The following KLF12 variants were observed in gnomAD, a reference collection of about 807,000 sequenced individuals.
KLF12 encodes the protein Krueppel-like factor 12.
In KLF12, 9 loss-of-function variants were observed where a neutral mutation model predicts 37.8. The observed-to-expected ratio is 0.24, with a 90% CI of 0.14 to 0.42. The LOEUF is 0.42. Among genes scored for constraint, KLF12 ranks in the 10% least tolerant of loss-of-function variants. The pLI, the probability that KLF12 is intolerant of heterozygous loss-of-function variation, is 1.00. For missense variants in KLF12, 411 were observed against 516.0 expected, an observed-to-expected ratio of 0.80 and a Z score of 1.97; for synonymous variants, 208 against 202.1, an observed-to-expected ratio of 1.03 and a Z score of -0.25.
chr13:73,923,254 G>C (rs1046283535), intron 3 of KLF12, among the ~76,000 whole-genome samples: 1 of 152,112 alleles, frequency 6.6e-6, no homozygotes, highest in Non-Finnish European at 1.5e-5. Flanking sequence ...ATGGTAATTG[G>C]CTTGGAACTT....
chr13:73,708,365 A>G (rs1875107038), intron 7 of KLF12, among the ~76,000 whole-genome samples: 1 of 152,124 alleles, frequency 6.6e-6, no homozygotes, highest in African/African-American at 2.4e-5. Context: ...TGAACAGACT[A>G]TTTTTACATA....
the KLF12 span, among the ~76,000 whole-genome samples, chr13:74,147,426 G>A: frequency 6.6e-6 from 1 of 152,186 alleles, no homozygotes; most frequent in African/African-American, 2.4e-5. Context: ...TCCAAAGAGG[G>A]TGCTGCAGTG....
intron 1 of KLF12, among the ~76,000 whole-genome samples, chr13:74,122,110 T>C (rs1257057088): frequency 2.6e-5 from 4 of 152,030 alleles, no homozygotes; most frequent in East Asian, 1.9e-4. Context: ...ATTTTAAAGG[T>C]TGTATTCAAA....
At chr13:73,851,021 T>A (rs539479347) in intron 3 of KLF12, among the ~76,000 whole-genome samples, 31 of 152,332 alleles carry the variant, frequency 2.0e-4, no homozygotes, top group African/African-American at 7.2e-4. Context: ...CTTGGTATCA[T>A]CACGAAAATT....
chr13:73,843,435 G>T (rs915095163), intron 4 of KLF12, among the ~76,000 whole-genome samples: 7 of 151,930 alleles, frequency 4.6e-5, no homozygotes, highest in Non-Finnish European at 7.4e-5. Flanking sequence ...AGCCTCCTCA[G>T]TAGCTGGGAT....
At chr13:73,930,482 AT>A (rs1889612994) in intron 3 of KLF12, among the ~76,000 whole-genome samples, 1 of 152,220 alleles carries the variant, frequency 6.6e-6, no homozygotes, top group African/African-American at 2.4e-5. Flanking sequence ...TTTTTATTCA[AT>A]TTGGGAAATT....
intron 5 of KLF12, among the ~76,000 whole-genome samples, chr13:73,791,052 G>A (rs1271710952): frequency 6.6e-6 from 1 of 152,148 alleles, no homozygotes; most frequent in Non-Finnish European, 1.5e-5. Flanking sequence ...GAATTCACCA[G>A]AAATAAATTT....
At chr13:74,031,674 A>C (rs1365566800) in intron 1 of KLF12, among the ~76,000 whole-genome samples, 1 of 152,094 alleles carries the variant, frequency 6.6e-6, no homozygotes, top group East Asian at 1.9e-4. Flanking sequence ...AACTCAAATA[A>C]CTAAAATAGT....
intron 6 of KLF12, among the ~76,000 whole-genome samples, chr13:73,755,560 T>C (rs1879096195): frequency 6.6e-6 from 1 of 152,162 alleles, no homozygotes; most frequent in Non-Finnish European, 1.5e-5. Context: ...AGATTCCTTT[T>C]ACATAAAGTT....
the KLF12 span, among the ~76,000 whole-genome samples, chr13:74,214,177 A>G: frequency 6.6e-6 from 1 of 152,198 alleles, no homozygotes; most frequent in African/African-American, 2.4e-5. Context: ...CAACTGATCA[A>G]TAAGACACTT....
intron 4 of KLF12, among the ~76,000 whole-genome samples, chr13:73,835,709 AC>A (rs1354238186): frequency 2.0e-5 from 3 of 152,058 alleles, no homozygotes; most frequent in Admixed American, 1.3e-4. Context: ...ATATATACAC[AC>A]CCCCTGCCCG....
chr13:74,189,482 T>C, the KLF12 span, among the ~76,000 whole-genome samples: 12 of 152,294 alleles, frequency 7.9e-5, no homozygotes, highest in East Asian at 2.1e-3. Context: ...CTGCCCCCAT[T>C]CAACAGCCCC....
chr13:73,989,966 AGTACAAGGGTTCAC>A (rs1342610413), intron 2 of KLF12, among the ~76,000 whole-genome samples: 15 of 87,968 alleles, frequency 1.7e-4, no homozygotes, highest in Non-Finnish European at 4.6e-4. Context: ...AAGTTCAGGA[AGTACAAGGGTTCAC>A]GTAATACAAT....
intron 1 of KLF12, among the ~76,000 whole-genome samples, chr13:74,128,142 T>A (rs1284019963): frequency 6.6e-6 from 1 of 152,204 alleles, no homozygotes; most frequent in Non-Finnish European, 1.5e-5. Context: ...CTGTATTATA[T>A]AAATGTTAAT....
intron 3 of KLF12, among the ~76,000 whole-genome samples, chr13:73,881,658 T>G (rs1364636158): frequency 6.6e-6 from 1 of 152,212 alleles, no homozygotes; most frequent in Non-Finnish European, 1.5e-5. Context: ...TTGCACAACA[T>G]GATTTTTTTT....
At chr13:74,195,978 T>C in the KLF12 span, among the ~76,000 whole-genome samples, 1 of 152,204 alleles carries the variant, frequency 6.6e-6, no homozygotes, top group Non-Finnish European at 1.5e-5. Context: ...TCAAAAAATG[T>C]ATTTACTGTG....
At chr13:74,246,474 G>A in the KLF12 span, among the ~76,000 whole-genome samples, 1 of 152,200 alleles carries the variant, frequency 6.6e-6, no homozygotes, top group Non-Finnish European at 1.5e-5. Context: ...GGAATTATTA[G>A]GTTGAATAAG....
At chr13:73,970,307 A>G (rs943647537) in intron 2 of KLF12, among the ~76,000 whole-genome samples, 11 of 151,618 alleles carry the variant, frequency 7.3e-5, no homozygotes, top group Admixed American at 5.9e-4. Flanking sequence ...GACAAGACAC[A>G]TAGCAAGGCA....
At chr13:74,125,007 A>G (rs965209726) in intron 1 of KLF12, among the ~76,000 whole-genome samples, 3 of 151,992 alleles carry the variant, frequency 2.0e-5, no homozygotes, top group African/African-American at 7.2e-5. Flanking sequence ...TCAGCTGGTC[A>G]TGGTGGCACA....
Sources: gnomAD v4.1 joint callset for allele counts (sites outside exome capture counted in the v4.1 genomes callset) on GRCh38, gnomAD v4.1.1 for gene constraint, MANE v1.5 for transcripts, NCBI Gene and HGNC (gene_info 2026-07-23, HGNC 2026-07-21) for gene names.